The following SKP2 variants were observed in gnomAD, a reference collection of about 807,000 sequenced individuals.
The protein encoded by SKP2 is S-phase kinase-associated protein 2.
A neutral mutation model predicts 51.8 loss-of-function variants in SKP2; 16 were observed. The observed-to-expected ratio is 0.31, with a 90% confidence interval of 0.21 to 0.47. SKP2 has a LOEUF of 0.47. Ranked by LOEUF, SKP2 falls within the 20% of genes least tolerant of loss-of-function variation. SKP2 has a pLI of 1.00. For missense variants in SKP2, 377 were observed against 505.3 expected (o/e 0.75, Z 2.43); for synonymous variants, 176 against 198.6 (o/e 0.89, Z 0.96).
intron 7 of SKP2, among the ~76,000 whole-genome samples, chr5:36,174,815 A>G (rs1434406201): frequency 6.6e-6 from 1 of 152,164 alleles, no homozygotes; most frequent in Non-Finnish European, 1.5e-5. Context: ...CCATATGCAT[A>G]TGTGAGAGAA....
At chr5:36,190,044 G>T (rs1238055484) in intron 6 of SKP2, among the ~76,000 whole-genome samples, 1 of 152,206 alleles carries the variant, frequency 6.6e-6, no homozygotes, top group African/African-American at 2.4e-5. Context: ...ATCTCCTGGT[G>T]TGCCGTTTGT....
chr5:36,177,269 T>C lies in SKP2; in HGVS notation c.1038T>C (p.Tyr346=), dbSNP rs1337858147. 7 of 1,607,646 alleles carry C rather than the reference T, an allele frequency of 4.4e-6. No individual in the cohort carries two copies. The highest frequency in any genetic ancestry group is 1.3e-5 in the African/African-American group (1 of 74,894). The change falls in exon 9 of 10, where the codon TAT becomes TAC. Residue 346 remains tyrosine (Y), a synonymous_variant. Transcript: ENST00000274255. Reference sequence around the variant, plus strand: ...AACACCTATCACTCAGTCGGTGCTATGATATAATACCTGAAACTTTACTGT... The same window carrying C: ...AACACCTATCACTCAGTCGGTGCTACGATATAATACCTGAAACTTTACTGT... ...YLQHLSLSRC[Y]DIIPETLLEL...
intron 2 of SKP2, among the ~76,000 whole-genome samples, chr5:36,162,921 G>C (rs1207178889): frequency 6.6e-6 from 1 of 152,128 alleles, no homozygotes; most frequent in African/African-American, 2.4e-5. Context: ...AGAGCAAAGG[G>C]GTCGGGGAAG....
At chr5:36,168,574 C>G (rs534220507) in intron 5 of SKP2, 127 bp downstream of exon 5, 1 of 845,638 alleles carries the variant, frequency 1.2e-6, no homozygotes, top group Non-Finnish European at 1.9e-6. Flanking sequence ...GTGCAGTGCT[C>G]TAGCTTCTGC....
At chr5:36,175,150 G>A (rs1206881390) in intron 7 of SKP2, among the ~76,000 whole-genome samples, 2 of 152,072 alleles carry the variant, frequency 1.3e-5, no homozygotes, top group Admixed American at 1.3e-4. Context: ...TCAGATTTGG[G>A]CACATTTTAA....
Position 36,177,493 on chromosome 5 carries a change from T to C in SKP2, c.1061+201T>C. The C allele has an allele frequency of 1.1e-5, 7 of 658,904 alleles. 1 individual carries two copies. The South Asian group carries it at 1.1e-4, about 10-fold the overall frequency. 40.8% of individuals were successfully genotyped at this position (658,904 alleles called of 1,614,324 possible). ...TGATCCAGATTGTTCACTAAACATT[T>C]ATTGTTTAGCTGTAAGCAGTTTTAA... On this transcript the variant is annotated intron_variant, in intron 9 of 9. Coordinates refer to ENST00000274255, the MANE Select transcript of SKP2 (RefSeq NM_005983.4).
chr5:36,163,614 G>T (rs760960124), intron 2 of SKP2, 31 bp from the exon 3 acceptor site: 1 of 1,344,836 alleles, frequency 7.4e-7, no homozygotes, highest in Admixed American at 1.7e-5. Context: ...TGAAAGAATG[G>T]TGATGGCAAA....
chr5:36,178,807 G>A (rs1238405617), intron 9 of SKP2, among the ~76,000 whole-genome samples: 1 of 152,046 alleles, frequency 6.6e-6, no homozygotes, highest in African/African-American at 2.4e-5. Flanking sequence ...AAGAAGCTAA[G>A]CAGGTAATGA....
Position 36,166,619 on chromosome 5 carries a change from T to C in SKP2, c.493T>C (p.Cys165Arg). The C allele has an allele frequency of 6.2e-7, 1 of 1,614,038 alleles. No individual in the cohort carries two copies. The highest frequency in any genetic ancestry group is 2.2e-5 in the East Asian group (1 of 44,888). ...LLSQGVIAFR[C>R]PRSFMDQPLA... is the part of the protein sequence containing the mutation. ...GTCTCAAGGGGTGATTGCCTTCCGC[T>C]GCCCACGATCATTTATGGACCAACC... Residue 165 changes from cysteine to arginine, a missense_variant, in exon 4 of 10, where the codon TGC becomes CGC. Transcript: ENST00000274255.
At chr5:36,165,963 T>C (rs1237032791) in intron 3 of SKP2, among the ~76,000 whole-genome samples, 2 of 152,212 alleles carry the variant, frequency 1.3e-5, no homozygotes, top group Non-Finnish European at 2.9e-5. Context: ...TATACACGTG[T>C]ATGTTTTAAG....
At chr5:36,187,948 G>A (rs1181580488), downstream of SKP2, among the ~76,000 whole-genome samples, 1 of 152,194 alleles carries the variant, frequency 6.6e-6, no homozygotes, top group Non-Finnish European at 1.5e-5. Flanking sequence ...ATTTAGGATA[G>A]TTAGCTCTTC....
chr5:36,193,292 T>TG (rs1366650172), intron 7 of SKP2: 1 of 151,886 alleles, frequency 6.6e-6, no homozygotes, highest in Non-Finnish European at 1.5e-5. Flanking sequence ...CTGACCAACA[T>TG]GGTGAATCCC....
chr5:36,169,306 G>A (rs1336113652), intron 5 of SKP2, among the ~76,000 whole-genome samples: 1 of 152,104 alleles, frequency 6.6e-6, no homozygotes, highest in Non-Finnish European at 1.5e-5. Flanking sequence ...TTAGCTGGGT[G>A]TGGTGGCAGG....
Position 36,182,716 on chromosome 5 carries a change from C to A in SKP2, c.*685C>A. ...AGACAGTTTTCTATGACAGGTTAAT[C>A]TGAAGTATCCTGTAATGTTCATTAA... is the stretch of plus-strand genomic sequence containing the variant. On this transcript the variant is annotated 3_prime_UTR_variant, in exon 10 of 10. Coordinates refer to ENST00000274255, the MANE Select transcript of SKP2 (RefSeq NM_005983.4). 1 of 976,982 alleles carries A rather than the reference C, an allele frequency of 1.0e-6. No homozygotes were observed. The highest frequency in any genetic ancestry group is 1.2e-6 in the Non-Finnish European group (1 of 822,268). 60.5% of individuals were successfully genotyped at this position (976,982 alleles called of 1,614,324 possible).
intron 6 of SKP2, among the ~76,000 whole-genome samples, chr5:36,191,591 C>T (rs529580986): frequency 1.6e-4 from 25 of 152,176 alleles, no homozygotes; most frequent in Admixed American, 5.2e-4. Flanking sequence ...CTGGATAAAG[C>T]GCTTGTGTCC....
Position 36,181,747 on chromosome 5 carries a change from G to A in SKP2, c.1062-71G>A. On this transcript the variant is annotated intron_variant, in intron 9 of 9. Coordinates refer to ENST00000274255, the MANE Select transcript of SKP2 (RefSeq NM_005983.4). The stretch of plus-strand genomic sequence containing the variant: ...GTAGATGACACAAATTGTAAAATTT[G>A]GGTCATATAACTCTAGTCAAACAGT... The A allele has an allele frequency of 2.0e-6, 3 of 1,525,198 alleles. No individual in the cohort carries two copies. In the South Asian group the frequency reaches 3.6e-5, roughly 18 times the overall value. The allele number at this position is 1,525,198 out of a possible 1,614,324, so 94.5% of individuals were successfully genotyped here.
chr5:36,168,240 G>A, intron 4 of SKP2, 73 bp from the exon 5 acceptor site: 2 of 1,436,426 alleles, frequency 1.4e-6, no homozygotes, highest in South Asian at 2.5e-5. Context: ...TTGGGGAGAA[G>A]AGGGGTCTGG....
At chr5:36,157,088 G>T (rs1302972373) in intron 2 of SKP2, among the ~76,000 whole-genome samples, 2 of 152,090 alleles carry the variant, frequency 1.3e-5, no homozygotes, top group Non-Finnish European at 2.9e-5. Flanking sequence ...CCACTAAATT[G>T]ATTTCATGAT....
chr5:36,181,864 A>G lies in SKP2; in HGVS notation c.1108A>G (p.Ile370Val), dbSNP rs774351891. The G allele has an allele frequency of 6.2e-7, 1 of 1,614,108 alleles. No individual in the cohort carries two copies. Among genetic ancestry groups the G allele is most frequent in the South Asian group, 1.1e-5 (1 of 91,082 alleles). Residue 370 changes from isoleucine to valine, a missense_variant, in exon 10 of 10, where the codon ATC becomes GTC. By Grantham distance (29) the Ile-to-Val change is conservative. Transcript: ENST00000274255. ...ACTAAAAACACTACAAGTTTTTGGA[A>G]TCGTGCCAGATGGTACCCTTCAACT... ...PTLKTLQVFG[I>V]VPDGTLQLLK...
Sources: gnomAD v4.1 joint callset for allele counts (sites outside exome capture counted in the v4.1 genomes callset) on GRCh38, gnomAD v4.1.1 for gene constraint, MANE v1.5 for transcripts, NCBI Gene and HGNC (gene_info 2026-07-23, HGNC 2026-07-21) for gene names.